Variants in PRKAG3 observed in about 807,000 individuals in gnomAD.
The protein encoded by PRKAG3 is protein kinase AMP-activated non-catalytic subunit gamma 3.
Under a neutral mutation model 56.5 loss-of-function variants are expected in PRKAG3, and 39 were observed. That is an observed-to-expected ratio of 0.69 (90% CI 0.53 to 0.90). PRKAG3 has a LOEUF of 0.90. Ranked by LOEUF, PRKAG3 falls within the 40% of genes least tolerant of loss-of-function variation. The pLI is 0.00. For synonymous variants in PRKAG3, 243 were observed against 250.1 expected, an observed-to-expected ratio of 0.97 and a Z score of 0.27; for missense variants, 628 against 627.5, an observed-to-expected ratio of 1.00 and a Z score of -0.01.
intron 1 of PRKAG3, 86 bp downstream of exon 1, chr2:218,831,652 A>T: frequency 6.6e-7 from 1 of 1,508,552 alleles, no homozygotes; most frequent in South Asian, 1.2e-5. Flanking sequence ...CAGAAGACAC[A>T]CACGCCCACA....
In PRKAG3 at chr2:218,827,027, G is replaced by A. The variant is rs764081785; in HGVS notation, c.1069C>T (p.Arg357Ter). 2.2e-5 allele frequency: 35 copies of A among 1,613,972 alleles called. No homozygotes were observed. Among genetic ancestry groups the A allele is most frequent in the African/African-American group, 5.3e-5 (4 of 74,932 alleles). ...GTCTCCAGCACCACAGCCAAGTCTCGGAATGTGCCGATGCCCAAATCTTGG... is the reference window on the plus strand; with the variant it reads ...GTCTCCAGCACCACAGCCAAGTCTCAGAATGTGCCGATGCCCAAATCTTGG... Residue 357 changes from arginine (R) to a stop codon, truncating the protein, a stop_gained, in exon 10 of 13, where the codon CGA becomes TGA. Transcript: ENST00000529249. LOFTEE classifies it high-confidence loss of function. The surrounding 1 kb of genome is among the most constrained non-coding windows in gnomAD (Gnocchi z 5.3).
intron 12 of PRKAG3, 51 bp from the exon 13 acceptor site, chr2:218,823,929 G>A (rs374097488): frequency 8.4e-6 from 13 of 1,549,360 alleles, no homozygotes. Flanking sequence ...GGCTACAGCA[G>A]CTACTGAGGT....
At chr2:218,830,174 T>A (rs775029494) in exon 4 of PRKAG3, 1 of 1,614,106 alleles carries the variant, frequency 6.2e-7, no homozygotes, top group Non-Finnish European at 8.5e-7. Context: ...TAGCTCACAC[T>A]CCCAGGCCTC....
At position 218,830,236 on chromosome 2, in the gene PRKAG3, A is replaced by G. The variant is rs374674938; in HGVS notation, c.375T>C (p.Ala125=). ...CCACATCATCTGTGCTGGAGCCTGC[A>G]GCTGAGGCTGTACAGTCAGAGGGGA... Residue 125 remains alanine (A), a synonymous_variant, in exon 4 of 13, where the codon GCT becomes GCC. Transcript: ENST00000529249. The G allele has an allele frequency of 2.3e-5, 37 of 1,614,044 alleles. No individual in the cohort carries two copies. In the African/African-American group the frequency reaches 4.5e-4, roughly 20 times the overall value.
chr2:218,827,193 C>T lies in PRKAG3; in HGVS notation c.1002+54G>A. ...TGCTAGGGCTGAAGACTCCTCAGGC[C>T]CTCTGATCACCTGCCCAGGTCTCCC... On this transcript the variant is annotated intron_variant, in intron 9 of 12. Transcript: ENST00000529249. This position sits in a 1 kb window ranked among gnomAD's most constrained non-coding sequence, Gnocchi z 5.3. 6.2e-7 allele frequency: 1 copy of T among 1,613,706 alleles called. No homozygotes were observed. Among genetic ancestry groups the T allele is most frequent in the Non-Finnish European group, 8.5e-7 (1 of 1,179,880 alleles).
chr2:218,828,573 C>T (rs1350977416), exon 5 of PRKAG3: 1 of 1,613,558 alleles, frequency 6.2e-7, no homozygotes, highest in East Asian at 2.2e-5. Flanking sequence ...ACACCGTTGG[C>T]CACCAGAGCA....
Position 218,827,055 on chromosome 2 carries a change from A to G in PRKAG3, c.1041T>C (p.Thr347=), listed in dbSNP as rs2105987245. Reference sequence around the variant, plus strand: ...ATGTGCCGATGCCCAAATCTTGGATAGTGCGGTAGAGGAAGGAGGGCCGGG... The same window carrying G: ...ATGTGCCGATGCCCAAATCTTGGATGGTGCGGTAGAGGAAGGAGGGCCGGG... The change falls in exon 10 of 13, where the codon ACT becomes ACC. Residue 347 remains threonine (T), a synonymous_variant. Transcript: ENST00000529249. This position sits in a 1 kb window ranked among gnomAD's most constrained non-coding sequence, Gnocchi z 5.3. The G allele has an allele frequency of 6.2e-7, 1 of 1,613,878 alleles. No individual in the cohort carries two copies. Among genetic ancestry groups the G allele is most frequent in the Non-Finnish European group, 8.5e-7 (1 of 1,180,036 alleles).
intron 3 of PRKAG3, 50 bp from the exon 4 acceptor site, chr2:218,830,431 CG>C (rs1944003799): frequency 6.4e-7 from 1 of 1,568,370 alleles, no homozygotes. Flanking sequence ...TTCCAAAGCA[CG>C]TTCTCATCTG....
chr2:218,824,274 C>G, exon 12 of PRKAG3: 1 of 1,614,154 alleles, frequency 6.2e-7, no homozygotes, highest in Non-Finnish European at 8.5e-7. Flanking sequence ...GTGGGGCTGG[C>G]AGGAAAGGAC....
At chr2:218,823,545 G>T (rs924661640) in exon 13 of PRKAG3, 211 of 912,742 alleles carry the variant, frequency 2.3e-4, no homozygotes, top group Non-Finnish European at 4.2e-5. Flanking sequence ...GGGCTGCTCA[G>T]CTTTGAGCTT....
chr2:218,828,475 C>T (rs1194820031), intron 5 of PRKAG3, 44 bp downstream of exon 5: 3 of 1,550,580 alleles, frequency 1.9e-6, no homozygotes, highest in Non-Finnish European at 2.6e-6. Context: ...AAGATCTCCC[C>T]CTCACCTCCT....
At position 218,826,917 on chromosome 2, in the gene PRKAG3, G is replaced by C. The variant is rs770475854; in HGVS notation, c.1168+11C>G. On this transcript the variant is annotated intron_variant, in intron 10 of 12. Coordinates refer to ENST00000529249, the Ensembl canonical transcript of PRKAG3. ...AGCCCAGCCCGAGCCTCTCATCCTG[G>C]GGGTGGGTACCACATTCGTTGACCA... is the stretch of plus-strand genomic sequence containing the variant. 7 of 1,613,916 alleles carry C rather than the reference G, an allele frequency of 4.3e-6. No homozygotes were observed. The highest frequency in any genetic ancestry group is 5.9e-6 in the Non-Finnish European group (7 of 1,179,996).
chr2:218,827,547 G>A lies in PRKAG3; in HGVS notation c.875+28C>T. ...GGGAAGGGGACTGTGGGAGGAGGAG[G>A]CTCAGGTGAATGAGCAGAGACACCC... On this transcript the variant is annotated intron_variant, in intron 8 of 12. Coordinates refer to ENST00000529249, the Ensembl canonical transcript of PRKAG3. This position sits in a 1 kb window ranked among gnomAD's most constrained non-coding sequence, Gnocchi z 5.3. The A allele has an allele frequency of 6.2e-7, 1 of 1,610,362 alleles. No individual in the cohort carries two copies. Among genetic ancestry groups the A allele is most frequent in the Non-Finnish European group, 8.5e-7 (1 of 1,176,704 alleles).
chr2:218,831,648 A>G lies in PRKAG3; in HGVS notation c.33+90T>C, dbSNP rs1944021180. 4 of 1,494,488 alleles carry G rather than the reference A, an allele frequency of 2.7e-6. No homozygotes were observed. In the South Asian group the frequency reaches 3.6e-5, roughly 13 times the overall value. The allele number at this position is 1,494,488 out of a possible 1,614,324, so 92.6% of individuals were successfully genotyped here. On this transcript the variant is annotated intron_variant, in intron 1 of 12. Coordinates refer to ENST00000529249, the Ensembl canonical transcript of PRKAG3. ...ATCCAGACCAAACACACACCAGAAG[A>G]CACACACGCCCACACACACATTCAC...
In PRKAG3 at chr2:218,828,694, C is replaced by T. The variant is rs139184243; in HGVS notation, c.634-94G>A. The T allele has an allele frequency of 2.6e-3, 2,828 of 1,100,926 alleles. 8 individuals are homozygous for T. Among genetic ancestry groups the T allele is most frequent in the Middle Eastern group, 0.01 (45 of 4,460 alleles). The allele number at this position is 1,100,926 out of a possible 1,614,324, so 68.2% of individuals were successfully genotyped here. On this transcript the variant is annotated intron_variant, in intron 4 of 12. Coordinates refer to ENST00000529249, the Ensembl canonical transcript of PRKAG3. ...TGCGCACCTCCCATCTGCCTGCTGTCCCCTCCCTGTCCCACCCAGGGTTCT... is the reference window on the plus strand; with the variant it reads ...TGCGCACCTCCCATCTGCCTGCTGTTCCCTCCCTGTCCCACCCAGGGTTCT...
chr2:218,822,571 A>G (rs1365743011), downstream of PRKAG3: 1 of 152,192 alleles, frequency 6.6e-6, no homozygotes. Context: ...GGGTCCATAT[A>G]CAAGGCCATC....
chr2:218,825,908 C>T (rs1307586034), intron 10 of PRKAG3, among the ~76,000 whole-genome samples: 1 of 151,734 alleles, frequency 6.6e-6, no homozygotes, highest in Non-Finnish European at 1.5e-5. Context: ...AGGTGTGCGC[C>T]ACCATGCCCA....
exon 13 of PRKAG3, chr2:218,823,492 AC>A (rs978575331): frequency 4.3e-5 from 22 of 507,858 alleles, no homozygotes; most frequent in African/African-American, 3.3e-4. Context: ...TGAAAATGGG[AC>A]AAAGTGGGGA....
intron 4 of PRKAG3, among the ~76,000 whole-genome samples, chr2:218,829,361 C>T (rs1349608619): frequency 2.6e-5 from 4 of 151,298 alleles, no homozygotes; most frequent in Non-Finnish European, 4.4e-5. Context: ...CGCACTGTCT[C>T]CCGGGCTGGA....
Sources: allele counts gnomAD v4.1 joint callset (sites outside exome capture counted in the v4.1 genomes callset), GRCh38; gene constraint gnomAD v4.1.1; non-coding constraint Gnocchi (gnomAD v3.1); transcripts MANE v1.5; gene names NCBI Gene and HGNC (gene_info 2026-07-23, HGNC 2026-07-21).